Variants in PTPRQ observed in about 807,000 individuals in gnomAD.
PTPRQ encodes protein tyrosine phosphatase receptor type Q.
PTPRQ carries 199 observed loss-of-function variants against 246.0 expected under a neutral mutation model. The ratio of observed to expected loss-of-function variants is 0.81; its 90% confidence interval spans 0.72 to 0.91. PTPRQ has a LOEUF of 0.91. PTPRQ is among the 40% of genes least tolerant of loss of function. The probability of loss-of-function intolerance (pLI) is 0.00; values close to 1 mark genes in which losing one functional copy is unlikely to be tolerated. For synonymous variants in PTPRQ, 869 were observed against 853.2 expected (o/e 1.02, Z -0.32); for missense variants, 2,624 against 2,528.4 (o/e 1.04, Z -0.81).
At chr12:80,612,328 A>G (rs981999584) in intron 28 of PTPRQ, among the ~76,000 whole-genome samples, 44 of 150,558 alleles carry the variant, frequency 2.9e-4, no homozygotes, top group Middle Eastern at 3.4e-3. Flanking sequence ...AAAAAAATCC[A>G]ATTAGAAAAT....
intron 14 of PTPRQ, 65 bp downstream of exon 14, chr12:80,496,596 C>G: frequency 6.8e-7 from 1 of 1,473,232 alleles, no homozygotes; most frequent in Non-Finnish European, 9.0e-7. Flanking sequence ...AGCTGATAAT[C>G]GCCATGTTGT....
chr12:80,493,284 G>A lies in PTPRQ; in HGVS notation c.1369G>A (p.Asp457Asn), dbSNP rs1396875543. The change falls in exon 10 of 45, where the codon GAC (aspartate) becomes AAC (asparagine). Residue 457 changes from aspartate to asparagine, a missense_variant. Coordinates refer to ENST00000644991, the MANE Select transcript of PTPRQ (RefSeq NM_001145026.2). ...LLTGNNEYIN[D>N]PMAPEIVNIV... ...CTACTTTTAATTACAGTATATAAAT[G>A]ACCCCATGGCTCCAGAAATTGTGAA... The A allele has an allele frequency of 3.9e-6, 6 of 1,525,958 alleles. No individual in the cohort carries two copies. Among genetic ancestry groups the A allele is most frequent in the Non-Finnish European group, 5.3e-6 (6 of 1,136,280 alleles). The allele number at this position is 1,525,958 out of a possible 1,614,324, so 94.5% of individuals were successfully genotyped here.
intron 33 of PTPRQ, among the ~76,000 whole-genome samples, chr12:80,629,915 A>G (rs775941709): frequency 6.6e-6 from 1 of 152,178 alleles, no homozygotes; most frequent in African/African-American, 2.4e-5. Flanking sequence ...TCAATTTAAT[A>G]ATAATTAACA....
intron 32 of PTPRQ, among the ~76,000 whole-genome samples, chr12:80,621,424 T>G (rs921110225): frequency 1.4e-4 from 21 of 151,972 alleles, no homozygotes; most frequent in African/African-American, 2.9e-4. Context: ...ATTGGTTTTA[T>G]GTTTTTAAAT....
intron 14 of PTPRQ, among the ~76,000 whole-genome samples, chr12:80,502,830 T>G (rs1592590087): frequency 6.6e-6 from 1 of 151,390 alleles, no homozygotes; most frequent in African/African-American, 2.4e-5. Flanking sequence ...TACGGTGGGG[T>G]AAAGTAAGGT....
In PTPRQ at chr12:80,580,257, A is replaced by G. The variant is rs555306468; in HGVS notation, c.4286-7872A>G. 4.6e-5 allele frequency among the ~76,000 whole-genome samples: 7 copies of G among 152,316 alleles called. No individual in the cohort carries two copies. In the South Asian group the frequency reaches 1.2e-3, roughly 27 times the overall value. Reference sequence around the variant, plus strand: ...CAACCATGATGAAAGTATTTTAGTGATAAGAATAATTTATGAATAAAAATG... The same window carrying G: ...CAACCATGATGAAAGTATTTTAGTGGTAAGAATAATTTATGAATAAAAATG... On this transcript the variant is annotated intron_variant, in intron 25 of 44. Transcript: ENST00000644991.
rs141997596 is a variant in PTPRQ, at chr12:80,629,617, G to A, written c.5687-2575G>A. The stretch of plus-strand genomic sequence containing the variant: ...TAACAGGGGACCAGACAGTTAATGA[G>A]GGACCAGATCACACATGCCACTGGA... On this transcript the variant is annotated intron_variant, in intron 33 of 44. Transcript: ENST00000644991. 1.2e-3 allele frequency among the ~76,000 whole-genome samples: 190 copies of A among 152,126 alleles called. 1 individual carries two copies. Among genetic ancestry groups the A allele is most frequent in the African/African-American group, 4.3e-3 (179 of 41,496 alleles).
In PTPRQ at chr12:80,591,120, C is replaced by CTTTTTT. The variant is rs757029945; in HGVS notation, c.4609+2686_4609+2691dup. On this transcript the variant is annotated intron_variant, in intron 26 of 44. Coordinates refer to ENST00000644991, the MANE Select transcript of PTPRQ (RefSeq NM_001145026.2). ...TGTTTAGGATCTGCCTTGATCATTG[C>CTTTTTT]TTTTTTTTTTTTTTTTTTTTTTTGC... 1.6e-3 allele frequency among the ~76,000 whole-genome samples: 120 copies of CTTTTTT among 77,384 alleles called. 1 individual carries two copies. Among genetic ancestry groups the CTTTTTT allele is most frequent in the Non-Finnish European group, 1.8e-3 (76 of 41,240 alleles). The allele number at this position is 77,384 out of a possible 152,430, so 50.8% of individuals were successfully genotyped here. A position where few individuals can be genotyped will look rare whatever the true frequency, so the allele number is the denominator to read the frequency against.
chr12:80,445,530 G>T lies in PTPRQ; in HGVS notation c.203G>T (p.Gly68Val), dbSNP rs1301415914. 1.3e-6 allele frequency: 2 copies of T among 1,548,484 alleles called. No homozygotes were observed. The highest frequency in any genetic ancestry group is 1.2e-5 in the South Asian group (1 of 83,814). The stretch of plus-strand genomic sequence containing the variant: ...GTCTTCCTAGCCGGGGAAAGAGTCG[G>T]ATCTGCTGGGATTCTTCTGTCTTGG... The part of the protein sequence containing the change: ...PPVFLAGERV[G>V]SAGILLSWNT... The change falls in exon 3 of 45, where the codon GGA becomes GTA. Residue 68 changes from glycine (G) to valine (V), a missense_variant. Physicochemically the swap from Gly to Val is moderately radical, Grantham distance 109. Coordinates refer to ENST00000644991, the MANE Select transcript of PTPRQ (RefSeq NM_001145026.2).
At chr12:80,599,751 A>G (rs1324551937) in intron 26 of PTPRQ, among the ~76,000 whole-genome samples, 1 of 151,574 alleles carries the variant, frequency 6.6e-6, no homozygotes, top group East Asian at 1.9e-4. Flanking sequence ...GTTTTATAAT[A>G]GATGGGCATT....
intron 17 of PTPRQ, among the ~76,000 whole-genome samples, chr12:80,522,624 G>T (rs1247450361): frequency 6.6e-6 from 1 of 152,120 alleles, no homozygotes; most frequent in Non-Finnish European, 1.5e-5. Flanking sequence ...AGATAATCAT[G>T]TGGTTTTTGT....
chr12:80,523,021 A>C (rs1162606101), intron 17 of PTPRQ, among the ~76,000 whole-genome samples: 1 of 152,108 alleles, frequency 6.6e-6, no homozygotes, highest in African/African-American at 2.4e-5. Context: ...TAAGCTATTA[A>C]TTATTGCCTC....
chr12:80,594,769 T>A (rs1897914366), intron 26 of PTPRQ, among the ~76,000 whole-genome samples: 1 of 152,140 alleles, frequency 6.6e-6, no homozygotes, highest in African/African-American at 2.4e-5. Flanking sequence ...ATATCTCTTG[T>A]ATTTGTTTAT....
At chr12:80,648,022 A>C (rs946005375) in intron 35 of PTPRQ, among the ~76,000 whole-genome samples, 3 of 152,066 alleles carry the variant, frequency 2.0e-5, no homozygotes, top group Non-Finnish European at 4.4e-5. Context: ...TCTTCATTGA[A>C]TACACCTCTT....
rs1050659744 is a variant in PTPRQ, at chr12:80,673,120, T to G, written c.6603-49T>G. 5.2e-6 allele frequency: 8 copies of G among 1,541,854 alleles called. No individual in the cohort carries two copies. The African/African-American group carries it at 1.1e-4, about 21-fold the overall frequency. ...CTCATTATCTTTATCCCCATCAAAA[T>G]GAACAACCCTTTGCTGAATAATTTT... On this transcript the variant is annotated intron_variant, in intron 42 of 44. Transcript: ENST00000644991.
intron 33 of PTPRQ, among the ~76,000 whole-genome samples, chr12:80,627,560 C>T (rs949607126): frequency 9.2e-5 from 14 of 151,748 alleles, no homozygotes; most frequent in Admixed American, 2.0e-4. Flanking sequence ...TAAAAACAGA[C>T]TTAAAAAGTT....
rs182224176 is a variant in PTPRQ at position 80,634,031 on chromosome 12, A to T, written c.5787-914A>T. ...GCTTCCTCCTCCTTCTCATCCTGGG[A>T]CATCCAAGTCAAATTCTACTTCTTT... On this transcript the variant is annotated intron_variant, in intron 34 of 44. Transcript: ENST00000644991. 1.2e-3 allele frequency among the ~76,000 whole-genome samples: 185 copies of T among 152,320 alleles called. 1 individual carries two copies. The highest frequency in any genetic ancestry group is 4.4e-3 in the African/African-American group (181 of 41,562).
intron 9 of PTPRQ, among the ~76,000 whole-genome samples, chr12:80,488,571 A>G (rs1323221777): frequency 6.6e-6 from 1 of 152,076 alleles, no homozygotes; most frequent in East Asian, 1.9e-4. Context: ...ACACCATAAG[A>G]ACTGAAAACA....
intron 6 of PTPRQ, among the ~76,000 whole-genome samples, chr12:80,461,343 T>C (rs890125476): frequency 3.9e-5 from 6 of 152,174 alleles, no homozygotes; most frequent in Non-Finnish European, 8.8e-5. Flanking sequence ...TATACCTACT[T>C]ATATCCCATT....
Sources: gnomAD v4.1 joint callset for allele counts (sites outside exome capture counted in the v4.1 genomes callset) on GRCh38, gnomAD v4.1.1 for gene constraint, MANE v1.5 for transcripts, NCBI Gene and HGNC (gene_info 2026-07-23, HGNC 2026-07-21) for gene names.